The following LGR6 variants were observed in gnomAD, a reference collection of about 807,000 sequenced individuals.
LGR6 encodes the protein leucine-rich repeat-containing G protein-coupled receptor 6.
LGR6 carries 45 observed loss-of-function variants against 69.4 expected under a neutral mutation model. The observed-to-expected ratio is 0.65, with a 90% CI of 0.51 to 0.83. The LOEUF is 0.83. Ranked by LOEUF, LGR6 falls within the 40% of genes least tolerant of loss-of-function variation. The probability of loss-of-function intolerance (pLI) is 0.00; values close to 1 mark genes in which losing one functional copy is unlikely to be tolerated. For missense variants in LGR6, 1,108 were observed against 1,246.7 expected, an observed-to-expected ratio of 0.89 and a Z score of 1.68; for synonymous variants, 538 against 555.0, an observed-to-expected ratio of 0.97 and a Z score of 0.43.
chr1:202,223,698 C>T (rs187862889), intron 1 of LGR6, among the ~76,000 whole-genome samples: 5 of 151,944 alleles, frequency 3.3e-5, no homozygotes, highest in African/African-American at 1.2e-4. Flanking sequence ...CAGTCTCACA[C>T]ACTGTTGCTC....
At chr1:202,305,652 C>T in intron 11 of LGR6, 32 bp from the exon 12 acceptor site, 1 of 1,604,192 alleles carries the variant, frequency 6.2e-7, no homozygotes, top group Non-Finnish European at 8.5e-7. Flanking sequence ...GCCACCATTT[C>T]ACCCCAGCCC....
intron 1 of LGR6, among the ~76,000 whole-genome samples, chr1:202,205,484 AAC>A (rs1272300219): frequency 3.4e-4 from 3 of 8,750 alleles, no homozygotes; most frequent in Non-Finnish European, 5.9e-4. Flanking sequence ...ACCTCCTTCA[AAC>A]ACACACACAC....
intron 3 of LGR6, among the ~76,000 whole-genome samples, chr1:202,235,080 C>A (rs909536060): frequency 6.6e-6 from 1 of 152,202 alleles, no homozygotes. Flanking sequence ...CCTGCGCTTT[C>A]GAGTGCTATC....
At chr1:202,297,866 C>T (rs543227604) in intron 7 of LGR6, among the ~76,000 whole-genome samples, 1 of 152,372 alleles carries the variant, frequency 6.6e-6, no homozygotes, top group Non-Finnish European at 1.5e-5. Flanking sequence ...TACTATTAGC[C>T]TGGGCCTGGC....
intron 1 of LGR6, among the ~76,000 whole-genome samples, chr1:202,199,275 G>A (rs1377472099): frequency 2.0e-5 from 3 of 152,016 alleles, no homozygotes; most frequent in Non-Finnish European, 4.4e-5. Flanking sequence ...GTGAAGGAGG[G>A]GTACAGTGAC....
intron 1 of LGR6, among the ~76,000 whole-genome samples, chr1:202,203,552 C>A (rs1240653716): frequency 6.6e-6 from 1 of 152,122 alleles, no homozygotes; most frequent in African/African-American, 2.4e-5. Flanking sequence ...TTCATTCATT[C>A]ATTCATTCAA....
chr1:202,249,908 C>T (rs774683431), intron 4 of LGR6, among the ~76,000 whole-genome samples: 7 of 152,158 alleles, frequency 4.6e-5, no homozygotes, highest in East Asian at 1.9e-4. Context: ...TCTTAAGACA[C>T]GAATGTGATC....
intron 6 of LGR6, among the ~76,000 whole-genome samples, chr1:202,288,805 T>C (rs1273563028): frequency 6.6e-6 from 1 of 152,158 alleles, no homozygotes; most frequent in Non-Finnish European, 1.5e-5. Context: ...TGTTCAGAAC[T>C]GCAAGACCCC....
At chr1:202,317,549 T>C (rs1318300449) in intron 17 of LGR6, among the ~76,000 whole-genome samples, 1 of 152,172 alleles carries the variant, frequency 6.6e-6, no homozygotes, top group South Asian at 2.1e-4. Flanking sequence ...TTTTGCTTTG[T>C]TGGCCAGGCT....
At chr1:202,225,363 C>T in intron 1 of LGR6, 60 bp from the exon 2 acceptor site, 2 of 1,488,608 alleles carry the variant, frequency 1.3e-6, no homozygotes, top group Non-Finnish European at 1.9e-6. Context: ...GGCACCTGGA[C>T]AGTGCCAGAT....
chr1:202,269,110 T>A (rs986932227), intron 4 of LGR6, among the ~76,000 whole-genome samples: 14 of 152,158 alleles, frequency 9.2e-5, no homozygotes, highest in Non-Finnish European at 1.8e-4. Context: ...CTTGCTATTT[T>A]GTCCAGGCTG....
chr1:202,238,578 C>G (rs1310222079), intron 4 of LGR6, among the ~76,000 whole-genome samples: 1 of 151,942 alleles, frequency 6.6e-6, no homozygotes, highest in Non-Finnish European at 1.5e-5. Flanking sequence ...CGTGGGCTAC[C>G]ACGCCCGTCT....
intron 6 of LGR6, among the ~76,000 whole-genome samples, chr1:202,291,020 A>G (rs1450699769): frequency 6.6e-6 from 1 of 152,142 alleles, no homozygotes. Flanking sequence ...GAAAAGAGAA[A>G]ATTAGGCATG....
chr1:202,269,581 A>G (rs1343858343), intron 4 of LGR6, among the ~76,000 whole-genome samples: 2 of 152,148 alleles, frequency 1.3e-5, no homozygotes, highest in Non-Finnish European at 2.9e-5. Context: ...CTTGGATGAG[A>G]AGTGGAATTC....
chr1:202,266,457 C>T (rs11583759), intron 4 of LGR6, among the ~76,000 whole-genome samples: 2 of 151,900 alleles, frequency 1.3e-5, no homozygotes, highest in African/African-American at 4.8e-5. Flanking sequence ...CTTTGCCAGC[C>T]TTCACATCCC....
intron 1 of LGR6, among the ~76,000 whole-genome samples, chr1:202,204,489 CCACA>C (rs1491372663): frequency 8.3e-5 from 1 of 12,116 alleles, no homozygotes; most frequent in Non-Finnish European, 1.8e-4. Context: ...AAACACACCT[CCACA>C]CACACACCTC....
chr1:202,307,216 G>C (rs1653302801), intron 13 of LGR6, 114 bp from the exon 14 acceptor site: 2 of 1,031,990 alleles, frequency 1.9e-6, no homozygotes, highest in Non-Finnish European at 3.0e-6. Flanking sequence ...AAAGGCAAAG[G>C]TTACTGTTAC....
At chr1:202,289,055 G>T (rs531050524) in intron 6 of LGR6, among the ~76,000 whole-genome samples, 1 of 152,278 alleles carries the variant, frequency 6.6e-6, no homozygotes, top group South Asian at 2.1e-4. Flanking sequence ...TGGGGAGGGT[G>T]GTGAGAGTAT....
At chr1:202,299,800 G>A (rs1667445164) in intron 7 of LGR6, among the ~76,000 whole-genome samples, 1 of 152,204 alleles carries the variant, frequency 6.6e-6, no homozygotes, top group African/African-American at 2.4e-5. Context: ...CAGGGGGACA[G>A]AGAAGCCAGA....
Sources: allele counts gnomAD v4.1 joint callset (sites outside exome capture counted in the v4.1 genomes callset), GRCh38; gene constraint gnomAD v4.1.1; transcripts MANE v1.5; gene names NCBI Gene and HGNC (gene_info 2026-07-23, HGNC 2026-07-21).